The following CCNY variants were observed in gnomAD, a reference collection of about 807,000 sequenced individuals.
CCNY encodes cyclin Y, also known as cyclin-Y.
In CCNY, 19 loss-of-function variants were observed where a neutral mutation model predicts 42.8. The ratio of observed to expected loss-of-function variants is 0.44; its 90% CI spans 0.31 to 0.65. CCNY has a LOEUF of 0.65. Ranked by LOEUF, CCNY falls within the 30% of genes least tolerant of loss-of-function variation. The pLI is 0.07. For missense variants in CCNY, 370 were observed against 437.3 expected (o/e 0.85, Z 1.37); for synonymous variants, 165 against 162.7 (o/e 1.01, Z -0.11).
intron 3 of CCNY, among the ~76,000 whole-genome samples, chr10:35,286,214 T>C (rs1260482157): frequency 6.6e-6 from 1 of 152,180 alleles, no homozygotes; most frequent in African/African-American, 2.4e-5. Flanking sequence ...GACTATTTTC[T>C]ACTATTCCAA....
chr10:35,537,197 T>A (rs961031874), intron 7 of CCNY, among the ~76,000 whole-genome samples: 1 of 152,222 alleles, frequency 6.6e-6, no homozygotes, highest in Non-Finnish European at 1.5e-5. Context: ...GCATTGAGCC[T>A]GCAGGTGTCC....
chr10:35,547,746 CCATGATGCATTCAGGGAG>C (rs1342575312), intron 7 of CCNY, among the ~76,000 whole-genome samples: 2 of 152,138 alleles, frequency 1.3e-5, no homozygotes, highest in Non-Finnish European at 2.9e-5. Context: ...CCCCATATGC[CCATGATGCATTCAGGGAG>C]CACGCTCTGC....
In CCNY at chr10:35,569,059, C is replaced by T. The variant is rs1841631163; in HGVS notation, c.915C>T (p.Ile305=). ...CTGTCTTTCTTGCCCCTCAGGCCAT[C>T]TCTCGCCTCTGCGAGGACAAGTACA... The part of the protein sequence containing the change: ...SRERAHKLEA[I]SRLCEDKYKD... Residue 305 remains isoleucine, a synonymous_variant, in exon 10 of 10, where the codon ATC becomes ATT. Transcript: ENST00000374704. The T allele has an allele frequency of 6.2e-7, 1 of 1,608,794 alleles. No individual in the cohort carries two copies. Among genetic ancestry groups the T allele is most frequent in the Middle Eastern group, 1.7e-4 (1 of 6,048 alleles).
At chr10:35,455,563 C>G (rs1324391607) in intron 1 of CCNY, 1 of 152,192 alleles carries the variant, frequency 6.6e-6, no homozygotes, top group Non-Finnish European at 1.5e-5. Context: ...TTAGTTTCCT[C>G]AAGTGCACAG....
intron 3 of CCNY, among the ~76,000 whole-genome samples, chr10:35,288,071 C>T (rs1180844108): frequency 6.6e-6 from 1 of 152,074 alleles, no homozygotes; most frequent in East Asian, 1.9e-4. Context: ...ATTTACATCC[C>T]ACCAGTAATG....
intron 7 of CCNY, among the ~76,000 whole-genome samples, chr10:35,538,774 A>G (rs1387419788): frequency 6.6e-6 from 1 of 152,210 alleles, no homozygotes; most frequent in African/African-American, 2.4e-5. Context: ...TTGTAATGGT[A>G]TCAGTTTGCA....
At chr10:35,300,950 G>A (rs765235848) in intron 3 of CCNY, among the ~76,000 whole-genome samples, 36 of 151,956 alleles carry the variant, frequency 2.4e-4, no homozygotes, top group Non-Finnish European at 4.9e-4. Context: ...GATTACAGGC[G>A]GCCACCACCA....
chr10:35,430,000 T>C (rs1426675028), intron 1 of CCNY, among the ~76,000 whole-genome samples: 2 of 152,200 alleles, frequency 1.3e-5, no homozygotes, highest in African/African-American at 4.8e-5. Context: ...CCATTTGTTC[T>C]GTTCCTAAGT....
chr10:35,372,484 C>A (rs146043700), intron 1 of CCNY, among the ~76,000 whole-genome samples: 70 of 152,304 alleles, frequency 4.6e-4, no homozygotes, highest in African/African-American at 1.5e-3. Context: ...GTGGCTCAGC[C>A]AGCTCTGGCC....
At chr10:35,351,145 A>G (rs1467046637) in intron 1 of CCNY, among the ~76,000 whole-genome samples, 1 of 152,198 alleles carries the variant, frequency 6.6e-6, no homozygotes, top group Non-Finnish European at 1.5e-5. Flanking sequence ...ACAGAGCTCA[A>G]AGGGGACTGC....
At chr10:35,381,916 T>C (rs1195913874) in intron 1 of CCNY, among the ~76,000 whole-genome samples, 1 of 152,184 alleles carries the variant, frequency 6.6e-6, no homozygotes, top group African/African-American at 2.4e-5. Flanking sequence ...TTTTGCTTGG[T>C]AAGTGCAAAA....
At position 35,522,675 on chromosome 10, in the gene CCNY, G is replaced by C. The variant is rs568815052; in HGVS notation, c.366-3289G>C. ...TACACAGAACCCATACAACAGCTCT[G>C]TGTGGCCGATGCAAAAATGTAACAG... On this transcript the variant is annotated intron_variant, in intron 4 of 9. Transcript: ENST00000374704. Among the ~76,000 whole-genome samples, 20 of 152,314 alleles carry C rather than the reference G, an allele frequency of 1.3e-4. No individual in the cohort carries two copies. In the East Asian group the frequency reaches 3.7e-3, roughly 28 times the overall value.
intron 1 of CCNY, among the ~76,000 whole-genome samples, chr10:35,401,848 A>T (rs953681956): frequency 6.6e-6 from 1 of 152,160 alleles, no homozygotes; most frequent in Non-Finnish European, 1.5e-5. Context: ...GGTTGGGGAG[A>T]TTACAAAGTA....
At chr10:35,289,842 G>T (rs1835391283) in intron 3 of CCNY, among the ~76,000 whole-genome samples, 1 of 142,730 alleles carries the variant, frequency 7.0e-6, no homozygotes, top group Non-Finnish European at 1.5e-5. Context: ...TCACCCCACT[G>T]CATTCCAGTC....
chr10:35,462,505 C>T (rs1839177173), intron 1 of CCNY, among the ~76,000 whole-genome samples: 1 of 152,232 alleles, frequency 6.6e-6, no homozygotes, highest in South Asian at 2.1e-4. Context: ...GACAGTGAGA[C>T]CATGCTGAGG....
At chr10:35,304,467 G>A (rs1453734991) in intron 3 of CCNY, among the ~76,000 whole-genome samples, 1 of 106,888 alleles carries the variant, frequency 9.4e-6, no homozygotes, top group African/African-American at 4.5e-5. Context: ...CCGCCACTAC[G>A]CCCGGCTAAT....
chr10:35,524,276 C>A (rs1015296874), intron 4 of CCNY, among the ~76,000 whole-genome samples: 2 of 152,136 alleles, frequency 1.3e-5, no homozygotes, highest in Admixed American at 6.5e-5. Context: ...CTCTTTTATA[C>A]CCCAGTTACA....
At chr10:35,366,499 G>A (rs1481792480) in intron 1 of CCNY, among the ~76,000 whole-genome samples, 1 of 152,196 alleles carries the variant, frequency 6.6e-6, no homozygotes, top group African/African-American at 2.4e-5. Flanking sequence ...TATTACTTGT[G>A]TTCTTGATTT....
chr10:35,529,795 A>G (rs925490242), intron 5 of CCNY, among the ~76,000 whole-genome samples, 178 bp from the exon 6 acceptor site: 56 of 151,854 alleles, frequency 3.7e-4, no homozygotes, highest in Non-Finnish European at 6.8e-4. Flanking sequence ...ACTTGAACCC[A>G]GGAGGTGGAG....
Sources: gnomAD v4.1 joint callset for allele counts (sites outside exome capture counted in the v4.1 genomes callset) on GRCh38, gnomAD v4.1.1 for gene constraint, MANE v1.5 for transcripts, NCBI Gene and HGNC (gene_info 2026-07-23, HGNC 2026-07-21) for gene names.